The following GCNT2 variants were observed in gnomAD, a reference collection of about 807,000 sequenced individuals.
The protein encoded by GCNT2 is N-acetyllactosaminide beta-1,6-N-acetylglucosaminyl-transferase.
GCNT2 carries 34 observed loss-of-function variants against 34.2 expected under a neutral mutation model. The observed-to-expected ratio is 1.00, with a 90% CI of 0.76 to 1.32. The LOEUF (loss-of-function observed/expected upper bound fraction) is 1.32. Among genes scored for constraint, GCNT2 ranks in the 40% most tolerant of loss-of-function variants. GCNT2 has a pLI of 0.00. For synonymous variants in GCNT2, 212 were observed against 188.0 expected (o/e 1.13, Z -1.04); for missense variants, 584 against 489.4 (o/e 1.19, Z -1.82).
At chr6:10,573,325 G>A in intron 3 of GCNT2, 1 of 974,944 alleles carries the variant, frequency 1.0e-6, no homozygotes, top group Non-Finnish European at 1.2e-6. Context: ...TATAGTCAAA[G>A]ATAAAGTTTT....
chr6:10,584,120 T>C (rs1764238127), intron 3 of GCNT2, among the ~76,000 whole-genome samples: 1 of 152,074 alleles, frequency 6.6e-6, no homozygotes, highest in African/African-American at 2.4e-5. Flanking sequence ...TCTCTCAGTA[T>C]TTATTGATCA....
At chr6:10,523,727 C>A (rs1308720223) in intron 1 of GCNT2, among the ~76,000 whole-genome samples, 2 of 152,084 alleles carry the variant, frequency 1.3e-5, no homozygotes, top group African/African-American at 2.4e-5. Context: ...AATCCCAGCA[C>A]TTTGGGAGGC....
chr6:10,606,897 C>A (rs9348601), intron 3 of GCNT2, among the ~76,000 whole-genome samples: 1 of 151,530 alleles, frequency 6.6e-6, no homozygotes, highest in Admixed American at 6.6e-5. Context: ...AGTCCATTCC[C>A]ATTGCAATAA....
intron 3 of GCNT2, among the ~76,000 whole-genome samples, chr6:10,617,485 G>A (rs1765831035): frequency 6.6e-6 from 1 of 152,222 alleles, no homozygotes; most frequent in South Asian, 2.1e-4. Flanking sequence ...GCGGGCTGAA[G>A]GGCTCCTCAA....
rs1021603506 is a variant in GCNT2, at chr6:10,581,921, A to T, written c.926-39430A>T. On this transcript the variant is annotated intron_variant, in intron 3 of 4. Coordinates refer to ENST00000495262, the MANE Select transcript of GCNT2 (RefSeq NM_145649.5). ...ATTGGATTGTTCCCTTCATACAGTC[A>T]CATTTCTAGAGTGTGTGTGAATATA... The T allele has an allele frequency of 1.8e-5, 17 of 957,368 alleles. No individual in the cohort carries two copies. In the African/African-American group the frequency reaches 2.7e-4, roughly 15 times the overall value. 59.3% of individuals were successfully genotyped at this position (957,368 alleles called of 1,614,324 possible).
intron 3 of GCNT2, among the ~76,000 whole-genome samples, chr6:10,589,173 GTGGTGTATGTGCGTCATGTGTGTA>G (rs985287343): frequency 2.6e-5 from 3 of 116,878 alleles, no homozygotes; most frequent in African/African-American, 8.6e-5. Context: ...TGGTGTGTGT[GTGGTGTATGTGCGTCATGTGTGTA>G]TGGTGTGTGT....
At chr6:10,523,740 G>C (rs1024307304) in intron 1 of GCNT2, among the ~76,000 whole-genome samples, 1 of 152,002 alleles carries the variant, frequency 6.6e-6, no homozygotes, top group South Asian at 2.1e-4. Context: ...TGGGAGGCCG[G>C]GGTGGGCGGA....
At chr6:10,594,249 G>A (rs957128738) in intron 3 of GCNT2, among the ~76,000 whole-genome samples, 14 of 152,252 alleles carry the variant, frequency 9.2e-5, no homozygotes, top group East Asian at 3.9e-4. Flanking sequence ...CTGCTGACAC[G>A]GACCATCTTT....
At chr6:10,538,179 G>T (rs1761860826) in intron 3 of GCNT2, among the ~76,000 whole-genome samples, 1 of 151,702 alleles carries the variant, frequency 6.6e-6, no homozygotes, top group Admixed American at 6.6e-5. Context: ...CAGCTGAGGT[G>T]GGCAGATCAC....
Position 10,529,601 on chromosome 6 carries a change from A to G in GCNT2, c.690A>G (p.Lys230=). 6.2e-7 allele frequency: 1 copy of G among 1,613,748 alleles called. No individual in the cohort carries two copies. Among genetic ancestry groups the G allele is most frequent in the Non-Finnish European group, 8.5e-7 (1 of 1,179,638 alleles). ...CTGACCACGCTGTTGGACGGACTAA[A>G]TACGTCCACCAAGAACTGTTAAACC... The part of the protein sequence containing the change: ...LPPDHAVGRT[K]YVHQELLNHK... The change falls in exon 3 of 5, where the codon AAA becomes AAG. Residue 230 remains lysine, a synonymous_variant. Transcript: ENST00000495262.
At chr6:10,601,150 C>T (rs1459665158) in intron 3 of GCNT2, among the ~76,000 whole-genome samples, 3 of 152,082 alleles carry the variant, frequency 2.0e-5, no homozygotes, top group African/African-American at 7.2e-5. Flanking sequence ...TTTCTTTTTC[C>T]ATGTTATTTG....
chr6:10,529,878 G>C (rs753714746), intron 3 of GCNT2, 42 bp downstream of exon 3: 1 of 1,426,712 alleles, frequency 7.0e-7, no homozygotes, highest in South Asian at 1.1e-5. Flanking sequence ...AATAAACACT[G>C]CATGGTCAAT....
In GCNT2 at chr6:10,528,977, T is replaced by C; in HGVS notation, c.66T>C (p.Phe22=). ...TTATCTCTGCCCTGATTTTTGTATTTGTTTACAATACTGAGTTATGGGAGA... is the reference window on the plus strand; with the variant it reads ...TTATCTCTGCCCTGATTTTTGTATTCGTTTACAATACTGAGTTATGGGAGA... ...ASLISALIFV[F]VYNTELWENK... The change falls in exon 3 of 5, where the codon TTT becomes TTC. Residue 22 remains phenylalanine, a synonymous_variant. Transcript: ENST00000495262. 1.2e-6 allele frequency: 2 copies of C among 1,614,050 alleles called. No individual in the cohort carries two copies. Among genetic ancestry groups the C allele is most frequent in the Non-Finnish European group, 8.5e-7 (1 of 1,179,884 alleles).
At chr6:10,540,513 G>A (rs2113582617) in intron 3 of GCNT2, among the ~76,000 whole-genome samples, 1 of 152,074 alleles carries the variant, frequency 6.6e-6, no homozygotes, top group Non-Finnish European at 1.5e-5. Flanking sequence ...AACAATTTGT[G>A]TAGATCTCAG....
At chr6:10,528,321 C>G (rs937254594) in intron 2 of GCNT2, 1 of 158,196 alleles carries the variant, frequency 6.3e-6, no homozygotes, top group Non-Finnish European at 1.4e-5. Flanking sequence ...CAGGGTTAAG[C>G]AATTTTTTTA....
rs373928350 is a variant in GCNT2 at position 10,563,163 on chromosome 6, T to TAAAC, written c.925+33331_925+33334dup. 5.9e-4 allele frequency among the ~76,000 whole-genome samples: 90 copies of TAAAC among 151,790 alleles called. 2 individuals are homozygous for TAAAC. The South Asian group carries it at 0.013, about 22-fold the overall frequency. ...GAGTGAGACTCGGTCTCCAAGAAAA[T>TAAAC]AAACAAATAAGCACATCCCTCCTGT... On this transcript the variant is annotated intron_variant, in intron 3 of 4. Coordinates refer to ENST00000495262, the MANE Select transcript of GCNT2 (RefSeq NM_145649.5).
At chr6:10,582,843 C>T (rs1326018429) in intron 3 of GCNT2, among the ~76,000 whole-genome samples, 1 of 151,904 alleles carries the variant, frequency 6.6e-6, no homozygotes, top group African/African-American at 2.4e-5. Flanking sequence ...GCTTATGGAA[C>T]ATCTACCAGG....
At chr6:10,531,458 A>C (rs754261084) in intron 3 of GCNT2, among the ~76,000 whole-genome samples, 2 of 152,224 alleles carry the variant, frequency 1.3e-5, no homozygotes, top group Non-Finnish European at 2.9e-5. Context: ...AAAATAACTA[A>C]GCCAGGGCCT....
intron 1 of GCNT2, among the ~76,000 whole-genome samples, chr6:10,524,401 CG>C (rs1467607122): frequency 2.0e-5 from 3 of 151,902 alleles, no homozygotes; most frequent in Non-Finnish European, 4.4e-5. Context: ...AACAGGCATG[CG>C]CCACCACGCC....
Sources: allele counts gnomAD v4.1 joint callset (sites outside exome capture counted in the v4.1 genomes callset), GRCh38; gene constraint gnomAD v4.1.1; transcripts MANE v1.5; gene names NCBI Gene and HGNC (gene_info 2026-07-23, HGNC 2026-07-21).